The following NTF3 variants were observed in gnomAD, a reference collection of about 807,000 sequenced individuals.
NTF3 encodes the protein neurotrophin-3.
A neutral mutation model predicts 26.3 loss-of-function variants in NTF3; 8 were observed. The ratio of observed to expected loss-of-function variants is 0.30; its 90% CI spans 0.18 to 0.55. The LOEUF is 0.55. NTF3 is among the 20% of genes least tolerant of loss of function. The probability of loss-of-function intolerance (pLI) is 0.93; values close to 1 mark genes in which losing one functional copy is unlikely to be tolerated. For missense variants in NTF3, 276 were observed against 352.9 expected (o/e 0.78, Z 1.75); for synonymous variants, 154 against 145.5 (o/e 1.06, Z -0.42).
chr12:5,470,458 G>A (rs779531421), intron 1 of NTF3, among the ~76,000 whole-genome samples: 17 of 152,188 alleles, frequency 1.1e-4, no homozygotes, highest in Non-Finnish European at 2.1e-4. Context: ...ATCCTGTGTC[G>A]CAGTCTAAAT....
rs1940101065 is a variant in NTF3 at position 5,432,268 on chromosome 12, GCTCGCGTCCACCTTT to G, written c.-53_-39del. 6.2e-7 allele frequency: 1 copy of G among 1,605,288 alleles called. No homozygotes were observed. Among genetic ancestry groups the G allele is most frequent in the Non-Finnish European group, 8.5e-7 (1 of 1,172,812 alleles). ...GGTGGGGGAGACTTTGAATGACCGA[GCTCGCGTCCACCTTT>G]CTCTTCATGTCGACGTCCCTGGAAA... On this transcript the variant is annotated 5_prime_UTR_variant, in exon 1 of 2. Coordinates refer to ENST00000423158, the MANE Select transcript of NTF3 (RefSeq NM_001102654.2).
chr12:5,452,725 G>A (rs1263222873), intron 1 of NTF3, among the ~76,000 whole-genome samples: 2 of 152,204 alleles, frequency 1.3e-5, no homozygotes, highest in African/African-American at 2.4e-5. Context: ...TGGCCTGTGT[G>A]TACTCACGCA....
intron 1 of NTF3, among the ~76,000 whole-genome samples, chr12:5,452,294 C>T (rs1399714000): frequency 1.3e-5 from 2 of 151,596 alleles, no homozygotes; most frequent in Non-Finnish European, 2.9e-5. Flanking sequence ...CGGGGTTTCA[C>T]CATGTCAGCC....
rs557322819 is a variant in NTF3 at position 5,436,326 on chromosome 12, T to C, written c.18+3984T>C. Among the ~76,000 whole-genome samples, 6 of 152,302 alleles carry C rather than the reference T, an allele frequency of 3.9e-5. No individual in the cohort carries two copies. The East Asian group carries it at 9.7e-4, about 25-fold the overall frequency. On this transcript the variant is annotated intron_variant, in intron 1 of 1. Coordinates refer to ENST00000423158, the MANE Select transcript of NTF3 (RefSeq NM_001102654.2). ...TATTTTTGAGAGGGAAACTCATCTG[T>C]GTAAGAGATAGTTTATATAGGGCTT...
chr12:5,493,558 A>T (rs1940965057), intron 1 of NTF3, among the ~76,000 whole-genome samples: 1 of 152,132 alleles, frequency 6.6e-6, no homozygotes, highest in Non-Finnish European at 1.5e-5. Flanking sequence ...TCGGCAGAGC[A>T]CCCTGGAACG....
intron 1 of NTF3, among the ~76,000 whole-genome samples, chr12:5,463,637 A>G (rs186977044): frequency 4.6e-5 from 7 of 152,328 alleles, no homozygotes; most frequent in Admixed American, 1.3e-4. Flanking sequence ...GGATTTATGT[A>G]AAGGATGTGG....
At chr12:5,451,980 A>G (rs555074410) in intron 1 of NTF3, among the ~76,000 whole-genome samples, 131 of 152,276 alleles carry the variant, frequency 8.6e-4, no homozygotes, top group African/African-American at 1.1e-3. Flanking sequence ...GGCGTGAGCG[A>G]CCATGCCCAG....
chr12:5,492,118 G>A (rs1940945622), intron 1 of NTF3, among the ~76,000 whole-genome samples: 1 of 152,060 alleles, frequency 6.6e-6, no homozygotes, highest in Non-Finnish European at 1.5e-5. Context: ...AATAAACTTT[G>A]GTTCCATATT....
At chr12:5,476,935 A>C (rs1487522033) in intron 1 of NTF3, among the ~76,000 whole-genome samples, 2 of 152,340 alleles carry the variant, frequency 1.3e-5, no homozygotes, top group East Asian at 3.9e-4. Context: ...CAAATATTCC[A>C]TAATAATACC....
chr12:5,472,746 T>C (rs1016642470), intron 1 of NTF3, among the ~76,000 whole-genome samples: 11 of 152,152 alleles, frequency 7.2e-5, no homozygotes, highest in Non-Finnish European at 1.0e-4. Flanking sequence ...GGGAGGGTGA[T>C]GCTGAGGGAG....
In NTF3 at chr12:5,494,134, C is replaced by T; in HGVS notation, c.19-60C>T. On this transcript the variant is annotated intron_variant, in intron 1 of 1. Transcript: ENST00000423158. This position sits in a 1 kb window ranked among gnomAD's most constrained non-coding sequence, Gnocchi z 8.3. The stretch of plus-strand genomic sequence containing the variant: ...GCTACTCAGCCTCAGGTAGCTGGTG[C>T]CAGAATAACACAGACTCAGCTGCCA... 1 of 1,540,828 alleles carries T rather than the reference C, an allele frequency of 6.5e-7. No individual in the cohort carries two copies. The highest frequency in any genetic ancestry group is 1.7e-5 in the Admixed American group (1 of 58,488).
intron 1 of NTF3, among the ~76,000 whole-genome samples, chr12:5,436,864 C>G (rs183814714): frequency 6.6e-6 from 1 of 152,272 alleles, no homozygotes; most frequent in African/African-American, 2.4e-5. Flanking sequence ...GAAAGGTAGT[C>G]TAAGAATCAA....
chr12:5,443,169 G>T (rs1209703725), intron 1 of NTF3, among the ~76,000 whole-genome samples: 1 of 152,190 alleles, frequency 6.6e-6, no homozygotes, highest in African/African-American at 2.4e-5. Context: ...AGGGCCTGAG[G>T]TCTAGTCCAG....
chr12:5,442,950 G>A (rs1017041804), intron 1 of NTF3, among the ~76,000 whole-genome samples: 3 of 151,054 alleles, frequency 2.0e-5, no homozygotes, highest in Non-Finnish European at 3.0e-5. Context: ...ACTACAGGAT[G>A]TGGCAGTAGA....
At chr12:5,489,388 G>A (rs1303337747) in intron 1 of NTF3, among the ~76,000 whole-genome samples, 1 of 152,190 alleles carries the variant, frequency 6.6e-6, no homozygotes, top group Non-Finnish European at 1.5e-5. Context: ...AAGGACAGAC[G>A]GAGAGGCAGC....
chr12:5,487,626 T>A (rs1411566111), intron 1 of NTF3, among the ~76,000 whole-genome samples: 1 of 152,228 alleles, frequency 6.6e-6, no homozygotes, highest in African/African-American at 2.4e-5. Flanking sequence ...TTGTCCTGTT[T>A]CAGATCTTGG....
In NTF3 at chr12:5,494,113, C is replaced by T. The variant is rs1382997370; in HGVS notation, c.19-81C>T. 9 of 1,418,094 alleles carry T rather than the reference C, an allele frequency of 6.3e-6. No individual in the cohort carries two copies. The highest frequency in any genetic ancestry group is 8.7e-6 in the Non-Finnish European group (9 of 1,032,968). The allele number at this position is 1,418,094 out of a possible 1,614,324, so 87.8% of individuals were successfully genotyped here. On this transcript the variant is annotated intron_variant, in intron 1 of 1. Transcript: ENST00000423158. This position sits in a 1 kb window ranked among gnomAD's most constrained non-coding sequence, Gnocchi z 8.3. ...CCTCTCTCGTGCCCTCACAGGGCTA[C>T]TCAGCCTCAGGTAGCTGGTGCCAGA...
intron 1 of NTF3, among the ~76,000 whole-genome samples, chr12:5,443,228 C>G (rs1277841889): frequency 6.6e-6 from 1 of 152,160 alleles, no homozygotes; most frequent in Non-Finnish European, 1.5e-5. Flanking sequence ...TCCGCATCCT[C>G]AAAGCAAGGC....
intron 1 of NTF3, among the ~76,000 whole-genome samples, chr12:5,443,634 C>G (rs956638907): frequency 1.3e-5 from 2 of 152,142 alleles, no homozygotes; most frequent in African/African-American, 4.8e-5. Flanking sequence ...ATCTAAGATT[C>G]CTTCACATTA....
Sources: allele counts gnomAD v4.1 joint callset (sites outside exome capture counted in the v4.1 genomes callset), GRCh38; gene constraint gnomAD v4.1.1; non-coding constraint Gnocchi (gnomAD v3.1); transcripts MANE v1.5; gene names NCBI Gene and HGNC (gene_info 2026-07-23, HGNC 2026-07-21).